MACROD2: variants seen among roughly 807,000 people sequenced by gnomAD.
MACROD2 encodes mono-ADP ribosylhydrolase 2.
A neutral mutation model predicts 70.4 loss-of-function variants in MACROD2; 36 were observed. That is an observed-to-expected ratio of 0.51 (90% CI 0.39 to 0.68). The LOEUF (loss-of-function observed/expected upper bound fraction) is 0.68, where lower values mean the gene tolerates loss of function less well. Ranked by LOEUF, MACROD2 falls within the 30% of genes least tolerant of loss-of-function variation. MACROD2 has a pLI of 0.00. For synonymous variants in MACROD2, 172 were observed against 178.8 expected (o/e 0.96, Z 0.30); for missense variants, 496 against 538.4 (o/e 0.92, Z 0.78).
intron 5 of MACROD2, among the ~76,000 whole-genome samples, chr20:15,017,987 C>T: frequency 6.6e-6 from 1 of 152,194 alleles, no homozygotes; most frequent in East Asian, 1.9e-4. Flanking sequence ...AGACATTTTC[C>T]TCGTGGTCTT....
intron 3 of MACROD2, among the ~76,000 whole-genome samples, chr20:14,489,837 G>GA (rs955129204): frequency 3.4e-5 from 5 of 147,106 alleles, no homozygotes; most frequent in South Asian, 2.1e-4. Flanking sequence ...TGGGCAAAAA[G>GA]AAAAAAAATA....
At chr20:15,814,842 T>C (rs945971005) in intron 8 of MACROD2, among the ~76,000 whole-genome samples, 1 of 152,252 alleles carries the variant, frequency 6.6e-6, no homozygotes, top group African/African-American at 2.4e-5. Flanking sequence ...AAGCTTTTGC[T>C]ACAGCACAGT....
intron 3 of MACROD2, chr20:14,323,152 G>A (rs1341267781): frequency 3.3e-5 from 5 of 151,944 alleles, no homozygotes; most frequent in Admixed American, 2.0e-4. Flanking sequence ...CCTGGAAATT[G>A]TGTCATATCC....
intron 8 of MACROD2, among the ~76,000 whole-genome samples, chr20:15,843,249 G>T (rs6079987): frequency 0.25 from 37,264 of 152,084 alleles, 5,759 homozygotes; most frequent in Middle Eastern, 0.37. Context: ...TAACTGACTG[G>T]GTTAGAACAA....
At chr20:15,919,437 G>T (rs963945083) in intron 10 of MACROD2, among the ~76,000 whole-genome samples, 2 of 152,138 alleles carry the variant, frequency 1.3e-5, no homozygotes, top group African/African-American at 4.8e-5. Context: ...ATTGTTTCAG[G>T]TGACTATTAA....
At chr20:15,832,579 A>G (rs1479104479) in intron 8 of MACROD2, among the ~76,000 whole-genome samples, 1 of 152,264 alleles carries the variant, frequency 6.6e-6, no homozygotes, top group African/African-American at 2.4e-5. Context: ...AGAGAGAGGA[A>G]AAAACACCCA....
intron 3 of MACROD2, among the ~76,000 whole-genome samples, chr20:14,122,433 G>T (rs2054599759): frequency 6.6e-6 from 1 of 152,112 alleles, no homozygotes; most frequent in African/African-American, 2.4e-5. Flanking sequence ...TATTTATTCT[G>T]AAACATTATT....
chr20:14,072,269 G>A (rs1275530379), intron 2 of MACROD2, among the ~76,000 whole-genome samples: 1 of 152,126 alleles, frequency 6.6e-6, no homozygotes, highest in Non-Finnish European at 1.5e-5. Flanking sequence ...TGTATGGGGT[G>A]TGGTGGGACA....
intron 5 of MACROD2, among the ~76,000 whole-genome samples, chr20:15,229,380 G>A (rs753037245): frequency 4.9e-4 from 74 of 152,260 alleles, no homozygotes; most frequent in Non-Finnish European, 5.6e-4. Flanking sequence ...AGGATTGGTA[G>A]GCTATACTTC....
intron 9 of MACROD2, among the ~76,000 whole-genome samples, chr20:15,877,080 A>G (rs1216594966): frequency 6.6e-6 from 1 of 152,074 alleles, no homozygotes; most frequent in Non-Finnish European, 1.5e-5. Context: ...ATGACCCTTT[A>G]GAGCTCTTCT....
intron 9 of MACROD2, 68 bp downstream of exon 9, chr20:15,862,894 C>T: frequency 8.4e-7 from 1 of 1,191,892 alleles, no homozygotes; most frequent in East Asian, 2.4e-5. Flanking sequence ...CACTTCTATT[C>T]CTATTGTTTT....
At chr20:15,679,530 C>T (rs2050131488) in intron 8 of MACROD2, among the ~76,000 whole-genome samples, 1 of 152,182 alleles carries the variant, frequency 6.6e-6, no homozygotes, top group African/African-American at 2.4e-5. Context: ...CTTAAACCAA[C>T]AGAATGTGGC....
At chr20:15,260,204 T>C (rs746093648) in intron 6 of MACROD2, among the ~76,000 whole-genome samples, 2 of 151,788 alleles carry the variant, frequency 1.3e-5, no homozygotes. Context: ...ATAGTTGCCC[T>C]ATTGTGATAC....
chr20:16,023,751 G>A (rs1429369818), intron 15 of MACROD2, among the ~76,000 whole-genome samples: 2 of 152,130 alleles, frequency 1.3e-5, no homozygotes, highest in Non-Finnish European at 2.9e-5. Context: ...GGGTAGGGAA[G>A]CTGGGCTGTT....
chr20:14,126,467 C>T (rs866615262), intron 3 of MACROD2, among the ~76,000 whole-genome samples: 16 of 152,202 alleles, frequency 1.1e-4, no homozygotes, highest in African/African-American at 3.6e-4. Flanking sequence ...TGTAGGCATA[C>T]CTCATTTATT....
At chr20:15,432,402 C>G (rs2046374385) in intron 7 of MACROD2, among the ~76,000 whole-genome samples, 1 of 151,998 alleles carries the variant, frequency 6.6e-6, no homozygotes, top group East Asian at 1.9e-4. Context: ...AAGGTTTCCT[C>G]CTTCAATTTA....
At chr20:15,760,528 C>T (rs2051420281) in intron 8 of MACROD2, among the ~76,000 whole-genome samples, 1 of 152,100 alleles carries the variant, frequency 6.6e-6, no homozygotes, top group Admixed American at 6.5e-5. Flanking sequence ...ACAGGAAAAC[C>T]AGGCACTGCA....
chr20:15,751,281 A>G (rs2051265056), intron 8 of MACROD2, among the ~76,000 whole-genome samples: 1 of 152,106 alleles, frequency 6.6e-6, no homozygotes, highest in Admixed American at 6.5e-5. Flanking sequence ...TATCAATTTG[A>G]AAACAAAATA....
intron 5 of MACROD2, among the ~76,000 whole-genome samples, chr20:14,864,231 G>A (rs2073403413): frequency 6.6e-6 from 1 of 152,072 alleles, no homozygotes; most frequent in Admixed American, 6.6e-5. Flanking sequence ...AAGTCCTATA[G>A]TAAAGACATT....
Sources: gnomAD v4.1 joint callset for allele counts (sites outside exome capture counted in the v4.1 genomes callset) on GRCh38, gnomAD v4.1.1 for gene constraint, MANE v1.5 for transcripts, NCBI Gene and HGNC (gene_info 2026-07-23, HGNC 2026-07-21) for gene names.